Variants in POM121C observed in about 807,000 individuals in gnomAD.
The protein encoded by POM121C is nuclear envelope pore membrane protein POM 121C.
A neutral mutation model predicts 66.4 loss-of-function variants in POM121C; 20 were observed. The ratio of observed to expected loss-of-function variants is 0.30; its 90% CI spans 0.21 to 0.44. POM121C has a LOEUF of 0.44. POM121C is among the 20% of genes least tolerant of loss of function. The pLI, the probability that POM121C is intolerant of heterozygous loss-of-function variation, is 1.00. For synonymous variants in POM121C, 286 were observed against 528.0 expected (o/e 0.54, Z 6.28); for missense variants, 580 against 1,225.7 (o/e 0.47, Z 7.87).
chr7:75,419,506 C>T (rs1789606819), intron 13 of POM121C, 64 bp from the exon 14 acceptor site: 1 of 1,587,884 alleles, frequency 6.3e-7, no homozygotes, highest in Non-Finnish European at 8.6e-7. Flanking sequence ...AGGAGCCGGG[C>T]AGGAGCCTGT....
intron 1 of POM121C, among the ~76,000 whole-genome samples, chr7:75,478,397 G>A (rs782798900): frequency 1.0e-3 from 156 of 151,868 alleles, no homozygotes; most frequent in Non-Finnish European, 2.0e-3. Context: ...AAGAAGAACC[G>A]AGGCAGATGT....
chr7:75,424,407 A>C, intron 11 of POM121C, 119 bp downstream of exon 11: 1 of 1,441,768 alleles, frequency 6.9e-7, no homozygotes, highest in Non-Finnish European at 9.6e-7. Flanking sequence ...GACCACAAGA[A>C]AACATGGAAC....
chr7:75,447,849 C>T (rs1318277330), intron 3 of POM121C, among the ~76,000 whole-genome samples: 21 of 152,158 alleles, frequency 1.4e-4, no homozygotes, highest in Non-Finnish European at 2.6e-4. Context: ...CGGTGAAACC[C>T]CGTCTCTACT....
intron 3 of POM121C, among the ~76,000 whole-genome samples, chr7:75,459,578 C>T (rs1332964238): frequency 1.8e-5 from 1 of 54,182 alleles, no homozygotes; most frequent in East Asian, 7.2e-4. Flanking sequence ...CCAGCCTGGG[C>T]GATGGAGTGA....
intron 3 of POM121C, among the ~76,000 whole-genome samples, chr7:75,443,935 T>A (rs2116423361): frequency 2.6e-5 from 1 of 38,060 alleles, no homozygotes; most frequent in Non-Finnish European, 5.8e-5. Flanking sequence ...AGCGAGTCCA[T>A]CTCAAAAAAA....
At chr7:75,462,640 G>A (rs1391811031) in intron 3 of POM121C, among the ~76,000 whole-genome samples, 19 of 152,022 alleles carry the variant, frequency 1.2e-4, no homozygotes, top group Non-Finnish European at 2.2e-4. Context: ...AGCTGCCTGA[G>A]GGCTGCCAAA....
At chr7:75,426,902 A>C (rs1169642108) in intron 7 of POM121C, among the ~76,000 whole-genome samples, 1 of 151,060 alleles carries the variant, frequency 6.6e-6, no homozygotes, top group East Asian at 1.9e-4. Flanking sequence ...TAATTATGAA[A>C]GCAAAAAAAG....
intron 9 of POM121C, 199 bp downstream of exon 9, chr7:75,425,436 A>G: frequency 7.5e-7 from 1 of 1,341,062 alleles, no homozygotes; most frequent in South Asian, 1.5e-5. Context: ...ACCTCTATCC[A>G]ATCGTTAGCC....
intron 3 of POM121C, chr7:75,442,457 T>C: frequency 4.9e-6 from 7 of 1,417,394 alleles, no homozygotes; most frequent in Middle Eastern, 2.6e-4. Context: ...TGTTCGCCGA[T>C]GTCGCGCCTT....
At chr7:75,432,493 G>C (rs6944634) in intron 7 of POM121C, among the ~76,000 whole-genome samples, 113,128 of 152,042 alleles carry the variant, frequency 0.74, 42,858 homozygotes, top group East Asian at 0.96. Context: ...ATATAAAATT[G>C]AAAAACAGGG....
chr7:75,465,736 G>A (rs1432930284), intron 3 of POM121C, among the ~76,000 whole-genome samples: 11 of 145,070 alleles, frequency 7.6e-5, no homozygotes, highest in African/African-American at 2.1e-4. Context: ...CTGGGCCACA[G>A]AGCAAGACTC....
intron 3 of POM121C, among the ~76,000 whole-genome samples, chr7:75,463,036 G>T (rs587621034): frequency 1.3e-5 from 2 of 152,078 alleles, no homozygotes; most frequent in Non-Finnish European, 2.9e-5. Context: ...GCTGTACACA[G>T]ACTGGGCCGG....
At position 75,447,007 on chromosome 7, in the gene POM121C, CAAAAAAAAAAAAAAA is replaced by C. The variant is rs60389539; in HGVS notation, c.-151-5375_-151-5361del. Among the ~76,000 whole-genome samples, 58 of 53,530 alleles carry C rather than the reference CAAAAAAAAAAAAAAA, an allele frequency of 1.1e-3. 1 individual carries two copies. In the South Asian group the frequency reaches 0.059, roughly 54 times the overall value. 35.1% of individuals were successfully genotyped at this position (53,530 alleles called of 152,430 possible). A position where few individuals can be genotyped will look rare whatever the true frequency, so the allele number is the denominator to read the frequency against. The stretch of plus-strand genomic sequence containing the variant: ...TGGGCAACAGAGCGAGACTCCGTCT[CAAAAAAAAAAAAAAA>C]AAAAAAAAAAAAAAAATGACCATTA... On this transcript the variant is annotated intron_variant, in intron 3 of 14. Coordinates refer to ENST00000615331, the MANE Select transcript of POM121C (RefSeq NM_001099415.3).
chr7:75,471,709 C>T (rs1455313920), intron 3 of POM121C, among the ~76,000 whole-genome samples: 1 of 151,950 alleles, frequency 6.6e-6, no homozygotes, highest in Admixed American at 6.6e-5. Context: ...ATGAAGATGG[C>T]GAAAGCACGA....
At chr7:75,442,100 G>A (rs1554474095) in intron 3 of POM121C, 4 of 1,369,348 alleles carry the variant, frequency 2.9e-6, no homozygotes, top group Admixed American at 3.6e-5. Context: ...TCGATTTCAA[G>A]CCAGCCGAGC....
At position 75,437,221 on chromosome 7, in the gene POM121C, A is replaced by G. The variant is rs1790451913; in HGVS notation, c.480+294T>C. 2.0e-5 allele frequency among the ~76,000 whole-genome samples: 3 copies of G among 152,194 alleles called. No individual in the cohort carries two copies. In the South Asian group the frequency reaches 6.2e-4, roughly 31 times the overall value. On this transcript the variant is annotated intron_variant, in intron 7 of 14. Transcript: ENST00000615331. ...GCTGGCCTATATTGATCACTCAATG[A>G]TCTGTATTTTCTATTAGTTAGAGAC...
rs1554470266 is a variant in POM121C at position 75,419,357 on chromosome 7, T to C, written c.2829A>G (p.Ser943=). 5 of 1,613,656 alleles carry C rather than the reference T, an allele frequency of 3.1e-6. No individual in the cohort carries two copies. The East Asian group carries it at 8.9e-5, about 29-fold the overall frequency. Residue 943 remains serine (S), a synonymous_variant, in exon 14 of 15, where the codon TCA becomes TCG. Transcript: ENST00000615331. The stretch of plus-strand genomic sequence containing the variant: ...CACCAACAAAGCCTTGGGCGGGTGC[T>C]GAAGATGCCCCAAAGGAGAGGCTGC... ...SGSSLSFGAS[S]APAQGFVGVG...
At chr7:75,426,760 T>C (rs1216982082) in intron 7 of POM121C, among the ~76,000 whole-genome samples, 1 of 54,940 alleles carries the variant, frequency 1.8e-5, no homozygotes, top group South Asian at 9.9e-4. Context: ...ATTGCCCCAC[T>C]GCACTCCAGC....
intron 3 of POM121C, among the ~76,000 whole-genome samples, chr7:75,473,876 G>A (rs2116524414): frequency 6.6e-6 from 1 of 152,026 alleles, no homozygotes; most frequent in South Asian, 2.1e-4. Context: ...TTTTAGTAGA[G>A]ACGGGGTTTC....
Sources: gnomAD v4.1 joint callset for allele counts (sites outside exome capture counted in the v4.1 genomes callset) on GRCh38, gnomAD v4.1.1 for gene constraint, MANE v1.5 for transcripts, NCBI Gene and HGNC (gene_info 2026-07-23, HGNC 2026-07-21) for gene names.